The following PUDP variants were observed in gnomAD, a reference collection of about 807,000 sequenced individuals.
PUDP encodes pseudouridine-5'-phosphatase.
Under a neutral mutation model 9.4 loss-of-function variants are expected in PUDP, and 8 were observed. That is an observed-to-expected ratio of 0.85 (90% confidence interval 0.50 to 1.53). PUDP has a LOEUF of 1.53. PUDP is among the 40% of genes most tolerant of loss of function. The pLI is 0.00. For synonymous variants in PUDP, 99 were observed against 80.7 expected (o/e 1.23, Z -1.22); for missense variants, 188 against 189.7 (o/e 0.99, Z 0.05).
At chrX:6,793,910 CACTGTGTATGT>C (rs929547841) in intron 3 of PUDP, among the ~76,000 whole-genome samples, 13 of 111,505 alleles carry the variant, frequency 1.2e-4, no homozygotes, top group East Asian at 5.6e-4. Context: ...AATGGGACCC[CACTGTGTATGT>C]ACTTCCTCTC....
chrX:7,125,143 C>T (rs1426806716), intron 1 of PUDP, among the ~76,000 whole-genome samples: 2 of 111,305 alleles, frequency 1.8e-5, no homozygotes, highest in African/African-American at 6.5e-5. Flanking sequence ...TGAGGCAGTT[C>T]ACCAGTTTAC....
intron 3 of PUDP, among the ~76,000 whole-genome samples, chrX:6,938,786 C>CT (rs764265665): frequency 0.026 from 2,206 of 83,292 alleles, 62 homozygotes; most frequent in African/African-American, 0.072. Context: ...TTCTTTCTTT[C>CT]TTTTTTTTTT....
At chrX:6,818,054 G>T (rs1232735407) in intron 3 of PUDP, among the ~76,000 whole-genome samples, 2 of 111,697 alleles carry the variant, frequency 1.8e-5, no homozygotes, top group African/African-American at 6.5e-5. Flanking sequence ...TATGCTGGAT[G>T]TCTCAAAACC....
At chrX:6,806,012 G>C (rs1926045474) in intron 3 of PUDP, among the ~76,000 whole-genome samples, 1 of 111,088 alleles carries the variant, frequency 9.0e-6, no homozygotes, top group Admixed American at 9.6e-5. Context: ...AGCCCCAATA[G>C]GAAGGTTTCT....
At chrX:7,058,374 G>T (rs927801100) in intron 3 of PUDP, among the ~76,000 whole-genome samples, 1 of 112,109 alleles carries the variant, frequency 8.9e-6, no homozygotes, top group Non-Finnish European at 1.9e-5. Context: ...GAATTACATG[G>T]AAGCACAGAA....
intron 3 of PUDP, among the ~76,000 whole-genome samples, chrX:6,933,594 C>T (rs193300609): frequency 0.018 from 1,980 of 111,996 alleles, 50 homozygotes; most frequent in African/African-American, 0.061. Context: ...TCCAAAGGAA[C>T]GCAGTTCCTC....
intron 1 of PUDP, among the ~76,000 whole-genome samples, chrX:7,016,950 G>A (rs1175580241): frequency 9.0e-6 from 1 of 111,372 alleles, no homozygotes; most frequent in Admixed American, 9.5e-5. Context: ...CCGTGGTATG[G>A]CTGTGGTCCC....
chrX:7,129,210 C>G (rs1466979808), intron 1 of PUDP, among the ~76,000 whole-genome samples: 1 of 112,152 alleles, frequency 8.9e-6, no homozygotes, highest in Non-Finnish European at 1.9e-5. Flanking sequence ...ATTTAAAGAT[C>G]ATAGAGCACA....
In PUDP at chrX:6,846,409, C is replaced by CA. The variant is rs55712277; in HGVS notation, c.*247+130723dup. Among the ~76,000 whole-genome samples the CA allele has an allele frequency of 4.1e-3, 259 of 63,365 alleles. 1 individual carries two copies. Among genetic ancestry groups the CA allele is most frequent in the East Asian group, 0.022 (49 of 2,183 alleles). 55.0% of individuals were successfully genotyped at this position (63,365 alleles called of 115,157 possible). A position where few individuals can be genotyped will look rare whatever the true frequency, so the allele number is the denominator to read the frequency against. On this transcript the variant is annotated intron_variant and NMD_transcript_variant, in intron 3 of 3. Transcript: ENST00000655425. The stretch of plus-strand genomic sequence containing the variant: ...TGGGTGACAGTGCTAGACTCCCTCT[C>CA]AAAAAAAAAAAAAAAAAAGAAAAGT...
At chrX:7,121,269 T>C (rs1038931703) in intron 1 of PUDP, among the ~76,000 whole-genome samples, 3 of 112,027 alleles carry the variant, frequency 2.7e-5, no homozygotes, top group African/African-American at 9.7e-5. Context: ...GAATCCAATG[T>C]GAGGAAATCT....
chrX:6,785,864 C>G (rs1467302560), intron 3 of PUDP, among the ~76,000 whole-genome samples: 3 of 111,590 alleles, frequency 2.7e-5, no homozygotes, highest in Non-Finnish European at 5.6e-5. Flanking sequence ...TGGTAGGGCC[C>G]TGGATTCTTG....
At chrX:7,130,236 A>C (rs1345769061) in intron 1 of PUDP, among the ~76,000 whole-genome samples, 1 of 110,992 alleles carries the variant, frequency 9.0e-6, no homozygotes, top group East Asian at 2.8e-4. Context: ...ACAAAGATTA[A>C]GCCTGAAGTG....
At chrX:6,986,293 G>A (rs956919582) in intron 1 of PUDP, among the ~76,000 whole-genome samples, 20 of 111,274 alleles carry the variant, frequency 1.8e-4, no homozygotes, top group African/African-American at 4.9e-4. Flanking sequence ...TTTCTTATGC[G>A]AGATCCAAGA....
chrX:6,991,686 A>AAT (rs1555922217), intron 1 of PUDP, among the ~76,000 whole-genome samples: 79 of 109,441 alleles, frequency 7.2e-4, no homozygotes, highest in Middle Eastern at 4.7e-3. Flanking sequence ...CAAAAAAAAA[A>AAT]AAAATAAAAT....
intron 3 of PUDP, among the ~76,000 whole-genome samples, chrX:6,910,279 AC>A (rs1490127163): frequency 8.9e-6 from 1 of 112,045 alleles, no homozygotes; most frequent in Non-Finnish European, 1.9e-5. Context: ...ATGTGTTTTA[AC>A]CCATGTATGA....
intron 3 of PUDP, among the ~76,000 whole-genome samples, chrX:6,932,718 AAAG>A (rs1229864223): frequency 1.8e-5 from 2 of 111,967 alleles, no homozygotes; most frequent in East Asian, 5.7e-4. Context: ...TTTCCAGGTC[AAAG>A]AAAGGGGTGA....
At chrX:6,796,262 G>A (rs977392423) in intron 3 of PUDP, among the ~76,000 whole-genome samples, 9 of 112,180 alleles carry the variant, frequency 8.0e-5, no homozygotes, top group African/African-American at 1.6e-4. Flanking sequence ...TATCACTAGC[G>A]ATGCATGAAG....
In PUDP at chrX:6,727,581, A is replaced by C. The variant is rs1924754428; in HGVS notation, c.*248-21115T>G. ...CTTGTTGGATCCAGGTGGCTTAATG[A>C]GTCGACCAATCATATTTGAGAAGGA... On this transcript the variant is annotated intron_variant and NMD_transcript_variant, in intron 3 of 3. Coordinates refer to the PUDP transcript ENST00000655425. 2.7e-5 allele frequency among the ~76,000 whole-genome samples: 3 copies of C among 111,849 alleles called. No individual in the cohort carries two copies. In the Admixed American group the frequency reaches 2.9e-4, roughly 11 times the overall value.
chrX:7,106,248 G>A (rs1256272641), intron 1 of PUDP, among the ~76,000 whole-genome samples: 1 of 112,885 alleles, frequency 8.9e-6, no homozygotes, highest in East Asian at 2.8e-4. Context: ...TGGCCCACTA[G>A]TATTAAGGAC....
Sources: gnomAD v4.1 joint callset for allele counts (sites outside exome capture counted in the v4.1 genomes callset) on GRCh38, gnomAD v4.1.1 for gene constraint, MANE v1.5 for transcripts, NCBI Gene and HGNC (gene_info 2026-07-23, HGNC 2026-07-21) for gene names.